The following ZDHHC17 variants were observed in gnomAD, a reference collection of about 807,000 sequenced individuals.
ZDHHC17 encodes the protein palmitoyltransferase ZDHHC17.
A neutral mutation model predicts 90.3 loss-of-function variants in ZDHHC17; 40 were observed. That is an observed-to-expected ratio of 0.44 (90% CI 0.34 to 0.58). The LOEUF (loss-of-function observed/expected upper bound fraction) is 0.58. Ranked by LOEUF, ZDHHC17 falls within the 20% of genes least tolerant of loss-of-function variation. The probability of loss-of-function intolerance (pLI) is 0.01; values close to 1 mark genes in which losing one functional copy is unlikely to be tolerated. For missense variants in ZDHHC17, 614 were observed against 780.8 expected, an observed-to-expected ratio of 0.79 and a Z score of 2.55; for synonymous variants, 235 against 252.4, an observed-to-expected ratio of 0.93 and a Z score of 0.65.
chr12:76,805,682 A>G lies in ZDHHC17; in HGVS notation c.320+243A>G, dbSNP rs576954587. ...TTTTCTTTACTTCTTAATTCTTAAT[A>G]TAACCGTATATGAAATATAACAATT... On this transcript the variant is annotated intron_variant, in intron 3 of 16. Coordinates refer to ENST00000426126, the MANE Select transcript of ZDHHC17 (RefSeq NM_015336.4). Among the ~76,000 whole-genome samples the G allele has an allele frequency of 6.6e-5, 10 of 152,332 alleles. No homozygotes were observed. The Middle Eastern group carries it at 0.01, about 155-fold the overall frequency.
In ZDHHC17 at chr12:76,764,247, A is replaced by T; in HGVS notation, c.11A>T (p.Glu4Val). The part of the protein sequence containing the change: MQR[E>V]EGFNTKMADG... Reference sequence around the variant, plus strand: ...ACGCTTTCTCCCAGCATGCAGCGGGAGGAGGGATTTAACACCAAGATGGCG... The same window carrying T: ...ACGCTTTCTCCCAGCATGCAGCGGGTGGAGGGATTTAACACCAAGATGGCG... Residue 4 changes from glutamate (E) to valine (V), a missense_variant, in exon 1 of 17, where the codon GAG becomes GTG. Around this residue, in one of 5 missense-constraint regions of ZDHHC17, gnomAD observed 358 missense variants for 380.4 expected, o/e 0.94. Transcript: ENST00000426126. The T allele has an allele frequency of 1.3e-6, 2 of 1,595,718 alleles. No homozygotes were observed. The highest frequency in any genetic ancestry group is 2.3e-5 in the South Asian group (2 of 88,698).
chr12:76,766,590 G>A (rs1442217352), intron 1 of ZDHHC17, among the ~76,000 whole-genome samples: 2 of 152,180 alleles, frequency 1.3e-5, no homozygotes, highest in Non-Finnish European at 2.9e-5. Flanking sequence ...TGAAATAATA[G>A]TACTTTTAAC....
intron 12 of ZDHHC17, chr12:76,845,091 T>A (rs953471644): frequency 2.6e-5 from 4 of 152,120 alleles, no homozygotes; most frequent in Admixed American, 2.0e-4. Flanking sequence ...ATGTTCTGCA[T>A]TCTTAAATAT....
At chr12:76,792,988 G>A (rs1189644109) in intron 1 of ZDHHC17, among the ~76,000 whole-genome samples, 1 of 152,138 alleles carries the variant, frequency 6.6e-6, no homozygotes, top group African/African-American at 2.4e-5. Context: ...ACTGGATCAT[G>A]ATCAAATAAG....
chr12:76,804,954 C>A (rs1952938565), intron 2 of ZDHHC17, among the ~76,000 whole-genome samples: 1 of 152,118 alleles, frequency 6.6e-6, no homozygotes, highest in Non-Finnish European at 1.5e-5. Context: ...CATTTATATG[C>A]ATCTTGTTAC....
rs575422370 is a variant in ZDHHC17 at position 76,791,019 on chromosome 12, C to T, written c.94-6415C>T. On this transcript the variant is annotated intron_variant, in intron 1 of 16. Coordinates refer to ENST00000426126, the MANE Select transcript of ZDHHC17 (RefSeq NM_015336.4). ...TTGAGGTGATAGATATGCTAATTAT[C>T]CTGTTTTGGTCATTGTACATTGTAT... is the stretch of plus-strand genomic sequence containing the variant. Among the ~76,000 whole-genome samples the T allele has an allele frequency of 7.6e-4, 115 of 152,144 alleles. 1 individual carries two copies. Among genetic ancestry groups the T allele is most frequent in the African/African-American group, 2.7e-3 (114 of 41,508 alleles).
intron 4 of ZDHHC17, 72 bp from the exon 5 acceptor site, chr12:76,809,641 A>G: frequency 7.9e-7 from 1 of 1,263,574 alleles, no homozygotes; most frequent in Admixed American, 3.6e-5. Flanking sequence ...ACCTTACTTG[A>G]AAAAGCTCTT....
chr12:76,773,942 C>T (rs1280999475), intron 1 of ZDHHC17, among the ~76,000 whole-genome samples: 3 of 152,030 alleles, frequency 2.0e-5, no homozygotes, highest in Non-Finnish European at 4.4e-5. Flanking sequence ...GCTTAGTATA[C>T]ATTAATAAGG....
In ZDHHC17 at chr12:76,831,979, A is replaced by T. The variant is rs191938486; in HGVS notation, c.1141+3489A>T. Among the ~76,000 whole-genome samples the T allele has an allele frequency of 2.1e-4, 32 of 152,286 alleles. 1 individual carries two copies. Among genetic ancestry groups the T allele is most frequent in the East Asian group, 1.7e-3 (9 of 5,174 alleles). On this transcript the variant is annotated intron_variant, in intron 10 of 16. Transcript: ENST00000426126. ...TTGAACATTTGTGTAGGTGTAAATGATACTCATGGAATATGTGATGAAATC... is the reference window on the plus strand; with the variant it reads ...TTGAACATTTGTGTAGGTGTAAATGTTACTCATGGAATATGTGATGAAATC...
rs147346645 is a variant in ZDHHC17, at chr12:76,800,160, A to G, written c.197+2623A>G. ...TGATACATGTAATCTTGTTTTTTCT[A>G]CACATAAAGCAACAACAGAAACTAG... On this transcript the variant is annotated intron_variant, in intron 2 of 16. Transcript: ENST00000426126. Among the ~76,000 whole-genome samples the G allele has an allele frequency of 6.0e-3, 909 of 152,316 alleles. 10 individuals carry two copies. Among genetic ancestry groups the G allele is most frequent in the African/African-American group, 0.02 (843 of 41,574 alleles).
chr12:76,817,877 G>A (rs1021913013), intron 7 of ZDHHC17, among the ~76,000 whole-genome samples: 1 of 152,070 alleles, frequency 6.6e-6, no homozygotes, highest in African/African-American at 2.4e-5. Flanking sequence ...ATTATTTGGT[G>A]CCAAGAAACA....
At chr12:76,806,592 C>A (rs944439954) in intron 3 of ZDHHC17, among the ~76,000 whole-genome samples, 9 of 152,152 alleles carry the variant, frequency 5.9e-5, no homozygotes, top group Non-Finnish European at 1.2e-4. Context: ...TCAGGCTGGT[C>A]TCGAACTCCC....
chr12:76,811,455 T>C (rs11115513), intron 5 of ZDHHC17, among the ~76,000 whole-genome samples: 1,697 of 152,260 alleles, frequency 0.011, 11 homozygotes, highest in Non-Finnish European at 0.017. Context: ...TTTTAACTTA[T>C]TGATTTTGGA....
chr12:76,809,654 C>T, intron 4 of ZDHHC17, 59 bp from the exon 5 acceptor site: 1 of 1,320,744 alleles, frequency 7.6e-7, no homozygotes. Flanking sequence ...AAGCTCTTCC[C>T]AGAGGATCCT....
At chr12:76,830,441 A>G (rs1953286221) in intron 10 of ZDHHC17, among the ~76,000 whole-genome samples, 1 of 147,732 alleles carries the variant, frequency 6.8e-6, no homozygotes, top group South Asian at 2.2e-4. Context: ...GTACCTTTAA[A>G]TATTTTCTTA....
At chr12:76,791,432 G>T (rs546203324) in intron 1 of ZDHHC17, among the ~76,000 whole-genome samples, 22 of 151,992 alleles carry the variant, frequency 1.4e-4, no homozygotes, top group African/African-American at 4.8e-4. Context: ...CCTTTATTTT[G>T]CAAATGTAAT....
intron 13 of ZDHHC17, among the ~76,000 whole-genome samples, chr12:76,846,117 G>C (rs1428802226): frequency 6.6e-6 from 1 of 152,102 alleles, no homozygotes; most frequent in Non-Finnish European, 1.5e-5. Context: ...CAGAGGTAGA[G>C]AGGAATGACA....
At chr12:76,791,655 A>G (rs766360173) in intron 1 of ZDHHC17, among the ~76,000 whole-genome samples, 1 of 152,142 alleles carries the variant, frequency 6.6e-6, no homozygotes, top group Admixed American at 6.5e-5. Flanking sequence ...CACTATACTT[A>G]GTATACTATA....
chr12:76,797,374 G>A (rs1952832266), intron 1 of ZDHHC17, 60 bp from the exon 2 acceptor site: 1 of 1,194,368 alleles, frequency 8.4e-7, no homozygotes, highest in Admixed American at 2.6e-5. Flanking sequence ...ATAAAATATA[G>A]AAATATTTTC....
Sources: gnomAD v4.1 joint callset for allele counts (sites outside exome capture counted in the v4.1 genomes callset) on GRCh38, gnomAD v4.1.1 for gene constraint, gnomAD v4.1.1 regional missense constraint, MANE v1.5 for transcripts, NCBI Gene and HGNC (gene_info 2026-07-23, HGNC 2026-07-21) for gene names.